Variants in ROBO2 observed in about 807,000 individuals in gnomAD.
The protein encoded by ROBO2 is roundabout guidance receptor 2.
Under a neutral mutation model 160.8 loss-of-function variants are expected in ROBO2, and 53 were observed. The observed-to-expected ratio is 0.33, with a 90% CI of 0.26 to 0.41. ROBO2 has a LOEUF of 0.41. Among genes scored for constraint, ROBO2 ranks in the 10% least tolerant of loss-of-function variants. The pLI is 1.00. For synonymous variants in ROBO2, 664 were observed against 611.7 expected (o/e 1.09, Z -1.26); for missense variants, 1,577 against 1,722.4 (o/e 0.92, Z 1.49).
Position 77,252,831 on chromosome 3 carries a change from A to AAAT in ROBO2, c.388+154492_388+154493insATA. ...TCAAAAAAAAAAAAAAAAAAAAAAAAATATATATATATATATATATGAAAA... is the reference window on the plus strand; with the variant it reads ...TCAAAAAAAAAAAAAAAAAAAAAAAAAATATATATATATATATATATATGAAAA... On this transcript the variant is annotated intron_variant, in intron 2 of 25. Coordinates refer to ENST00000461745, the Ensembl canonical transcript of ROBO2. Among the ~76,000 whole-genome samples, 14 of 12,508 alleles carry AAAT rather than the reference A, an allele frequency of 1.1e-3. No individual in the cohort carries two copies. The East Asian group carries it at 0.011, about 10-fold the overall frequency. 8.2% of individuals were successfully genotyped at this position (12,508 alleles called of 152,430 possible).
At chr3:76,716,335 C>G (rs948818638) in intron 2 of ROBO2, among the ~76,000 whole-genome samples, 2 of 152,108 alleles carry the variant, frequency 1.3e-5, no homozygotes, top group African/African-American at 4.8e-5. Context: ...TTGAGCTTAA[C>G]CCCCCAAAAG....
chr3:76,518,837 G>A (rs2098377996), intron 2 of ROBO2, among the ~76,000 whole-genome samples: 2 of 152,096 alleles, frequency 1.3e-5, no homozygotes, highest in South Asian at 4.1e-4. Context: ...TATTTAATTA[G>A]AAGCTAAAGT....
At chr3:77,348,232 A>T (rs1478615603) in intron 2 of ROBO2, among the ~76,000 whole-genome samples, 2 of 152,154 alleles carry the variant, frequency 1.3e-5, no homozygotes, top group African/African-American at 4.8e-5. Context: ...CTCCACAGAC[A>T]GGGCAGCCCC....
intron 2 of ROBO2, among the ~76,000 whole-genome samples, chr3:76,638,503 A>G (rs2090459893): frequency 6.6e-6 from 1 of 152,146 alleles, no homozygotes; most frequent in African/African-American, 2.4e-5. Flanking sequence ...TTGAATAAAA[A>G]TATTTAAGTT....
intron 2 of ROBO2, among the ~76,000 whole-genome samples, chr3:76,505,500 CAAGTT>C (rs1054132950): frequency 7.9e-5 from 12 of 152,112 alleles, no homozygotes; most frequent in East Asian, 3.9e-4. Flanking sequence ...CATATGTACT[CAAGTT>C]AAGATGAGGT....
rs1486035731 is a variant in ROBO2, at chr3:76,644,514, C to A, written c.110-453500C>A. Among the ~76,000 whole-genome samples the A allele has an allele frequency of 3.3e-5, 5 of 152,108 alleles. No homozygotes were observed. The East Asian group carries it at 9.6e-4, about 29-fold the overall frequency. On this transcript the variant is annotated intron_variant, in intron 2 of 26. Coordinates refer to the ROBO2 transcript ENST00000487694. ...CCTCCATATATTATAACTACAGCCACTCACAAAGCATCACCAGCTACATAA... is the reference window on the plus strand; with the variant it reads ...CCTCCATATATTATAACTACAGCCAATCACAAAGCATCACCAGCTACATAA...
At chr3:76,714,924 G>A (rs776239208) in intron 2 of ROBO2, among the ~76,000 whole-genome samples, 8 of 152,082 alleles carry the variant, frequency 5.3e-5, no homozygotes, top group Non-Finnish European at 1.2e-4. Context: ...AATAAGAGGA[G>A]TAACTTCTCA....
chr3:77,208,078 T>A (rs142792091), intron 2 of ROBO2, among the ~76,000 whole-genome samples: 1 of 152,292 alleles, frequency 6.6e-6, no homozygotes, highest in Non-Finnish European at 1.5e-5. Context: ...AACTAGCTGA[T>A]GCCGAGTTTA....
chr3:76,774,531 G>T (rs1169994170), intron 2 of ROBO2, among the ~76,000 whole-genome samples: 1 of 150,748 alleles, frequency 6.6e-6, no homozygotes, highest in South Asian at 2.1e-4. Context: ...CTGATAGAAA[G>T]CATGATTTGT....
At chr3:77,233,102 C>A (rs188276488) in intron 2 of ROBO2, among the ~76,000 whole-genome samples, 11 of 152,264 alleles carry the variant, frequency 7.2e-5, no homozygotes, top group African/African-American at 2.4e-4. Flanking sequence ...AAAAAGTCCA[C>A]AACCGAGTCA....
At chr3:76,863,429 A>C (rs62261831) in intron 2 of ROBO2, among the ~76,000 whole-genome samples, 22,023 of 148,112 alleles carry the variant, frequency 0.15, 1,988 homozygotes, top group East Asian at 0.35. Context: ...CAGAGTGAGA[A>C]CCTGTCTCAA....
intron 2 of ROBO2, among the ~76,000 whole-genome samples, chr3:76,314,116 T>C (rs1245958297): frequency 6.6e-6 from 1 of 152,172 alleles, no homozygotes; most frequent in Admixed American, 6.5e-5. Flanking sequence ...CAGCAAGTTT[T>C]CCCTCAGGCA....
intron 2 of ROBO2, among the ~76,000 whole-genome samples, chr3:76,212,917 C>A (rs62267413): frequency 0.97 from 147,305 of 151,940 alleles, 71,535 homozygotes; most frequent in Non-Finnish European, 1. Context: ...TTCTTAGTTT[C>A]ACTTTTGGTA....
chr3:77,423,292 T>G (rs975923007), intron 2 of ROBO2, among the ~76,000 whole-genome samples: 2 of 152,152 alleles, frequency 1.3e-5, no homozygotes, highest in Non-Finnish European at 2.9e-5. Context: ...GTTGTGTAGT[T>G]GGTATGTTCA....
At chr3:76,215,008 A>G (rs1210118500) in intron 2 of ROBO2, among the ~76,000 whole-genome samples, 1 of 152,112 alleles carries the variant, frequency 6.6e-6, no homozygotes, top group Non-Finnish European at 1.5e-5. Context: ...GCTCACCAAT[A>G]TCTGCTGTTC....
chr3:77,036,329 G>A (rs2063634343), upstream of ROBO2, among the ~76,000 whole-genome samples: 1 of 151,942 alleles, frequency 6.6e-6, no homozygotes, highest in Non-Finnish European at 1.5e-5. Flanking sequence ...TACTATCATG[G>A]ATCAAACCTT....
At chr3:76,652,818 A>G (rs1033570259) in intron 2 of ROBO2, among the ~76,000 whole-genome samples, 5 of 152,206 alleles carry the variant, frequency 3.3e-5, no homozygotes, top group Admixed American at 1.3e-4. Context: ...CTTGAAAAAT[A>G]AAGAATAGTA....
intron 2 of ROBO2, among the ~76,000 whole-genome samples, chr3:75,982,775 A>G (rs1157952218): frequency 2.0e-5 from 3 of 151,382 alleles, no homozygotes; most frequent in South Asian, 4.2e-4. Flanking sequence ...TCACCCTTCA[A>G]CCTTGCCAGC....
At chr3:76,035,331 A>T (rs1456310539) in intron 2 of ROBO2, among the ~76,000 whole-genome samples, 1 of 151,946 alleles carries the variant, frequency 6.6e-6, no homozygotes, top group Non-Finnish European at 1.5e-5. Context: ...CAAATATTCT[A>T]GACATGTTCT....
Sources: allele counts gnomAD v4.1 joint callset (sites outside exome capture counted in the v4.1 genomes callset), GRCh38; gene constraint gnomAD v4.1.1; transcripts MANE v1.5; gene names NCBI Gene and HGNC (gene_info 2026-07-23, HGNC 2026-07-21).